The following ARB2A variants were observed in gnomAD, a reference collection of about 807,000 sequenced individuals.
The protein encoded by ARB2A is ARB2 cotranscriptional regulator A, also known as cotranscriptional regulator ARB2A.
chr5:93,815,968 G>T, the ARB2A span, among the ~76,000 whole-genome samples: 1 of 152,110 alleles, frequency 6.6e-6, no homozygotes, highest in Non-Finnish European at 1.5e-5. Flanking sequence ...CTGAACTCTA[G>T]TAATAAGATC....
At chr5:93,792,434 G>C in the ARB2A span, among the ~76,000 whole-genome samples, 2 of 152,028 alleles carry the variant, frequency 1.3e-5, no homozygotes, top group Admixed American at 6.6e-5. Context: ...CTAGGTAATA[G>C]ATTATAACTA....
chr5:94,035,400 C>T, the ARB2A span, among the ~76,000 whole-genome samples: 1 of 151,968 alleles, frequency 6.6e-6, no homozygotes, highest in Non-Finnish European at 1.5e-5. Context: ...TATATTCATA[C>T]CTTTCTCTAA....
the ARB2A span, among the ~76,000 whole-genome samples, chr5:93,797,566 T>C: frequency 2.0e-5 from 3 of 152,132 alleles, no homozygotes; most frequent in Non-Finnish European, 4.4e-5. Flanking sequence ...AAAGAGTCAG[T>C]AGTTCACTAA....
the ARB2A span, among the ~76,000 whole-genome samples, chr5:93,998,103 T>A: frequency 2.0e-5 from 3 of 151,036 alleles, no homozygotes; most frequent in Non-Finnish European, 4.4e-5. Context: ...CCTGTAAAAA[T>A]CAGAAAGGAA....
At chr5:93,974,566 T>C in the ARB2A span, among the ~76,000 whole-genome samples, 2 of 151,894 alleles carry the variant, frequency 1.3e-5, no homozygotes, top group Non-Finnish European at 1.5e-5. Context: ...CAAACAAAAA[T>C]CTGAACTTAA....
chr5:93,760,541 T>C, the ARB2A span, among the ~76,000 whole-genome samples: 1 of 152,166 alleles, frequency 6.6e-6, no homozygotes, highest in South Asian at 2.1e-4. Context: ...GTGGTACTAG[T>C]ATAAAAATAG....
chr5:94,064,603 C>T, the ARB2A span, among the ~76,000 whole-genome samples: 1 of 152,342 alleles, frequency 6.6e-6, no homozygotes, highest in East Asian at 1.9e-4. Context: ...ACAGTAGCCA[C>T]TCACTTAGAA....
chr5:93,668,133 C>T, the ARB2A span, among the ~76,000 whole-genome samples: 18 of 152,210 alleles, frequency 1.2e-4, no homozygotes, highest in South Asian at 2.9e-3. Context: ...TTTGAGATAG[C>T]GTCTCAGTCT....
chr5:93,681,728 G>A, the ARB2A span, among the ~76,000 whole-genome samples: 5 of 152,106 alleles, frequency 3.3e-5, no homozygotes, highest in African/African-American at 7.2e-5. Context: ...CACAAGCCTC[G>A]CATTCCAGAA....
At chr5:93,924,390 C>G in the ARB2A span, among the ~76,000 whole-genome samples, 1 of 152,138 alleles carries the variant, frequency 6.6e-6, no homozygotes, top group African/African-American at 2.4e-5. Context: ...GAAATGTATA[C>G]TGAATGGATA....
chr5:93,969,385 C>T, the ARB2A span, among the ~76,000 whole-genome samples: 1 of 152,010 alleles, frequency 6.6e-6, no homozygotes, highest in South Asian at 2.1e-4. Context: ...TCTACTACAC[C>T]TGGCAATTTT....
chr5:94,076,232 C>G, the ARB2A span, among the ~76,000 whole-genome samples: 1 of 152,162 alleles, frequency 6.6e-6, no homozygotes, highest in African/African-American at 2.4e-5. Context: ...ATTTCTATAA[C>G]TAGCCATCTT....
At chr5:93,937,949 A>C in the ARB2A span, among the ~76,000 whole-genome samples, 1 of 152,210 alleles carries the variant, frequency 6.6e-6, no homozygotes. Context: ...TTCATTTAAA[A>C]AAATTTTTTT....
At chr5:93,634,357 G>A in the ARB2A span, among the ~76,000 whole-genome samples, 1 of 151,450 alleles carries the variant, frequency 6.6e-6, no homozygotes, top group Non-Finnish European at 1.5e-5. Flanking sequence ...CCGAGATCGC[G>A]CCATGGCACT....
At chr5:94,026,275 T>C in the ARB2A span, among the ~76,000 whole-genome samples, 24 of 151,786 alleles carry the variant, frequency 1.6e-4, no homozygotes, top group African/African-American at 5.8e-4. Flanking sequence ...TCGTATGGGG[T>C]GGCTGCCCTC....
chr5:93,784,323 G>A, the ARB2A span: 10 of 1,186,236 alleles, frequency 8.4e-6, no homozygotes, highest in Admixed American at 1.9e-4. Context: ...GGTTGGTGGG[G>A]GCTCAAGATA....
At chr5:93,783,736 A>G in the ARB2A span, among the ~76,000 whole-genome samples, 3 of 152,212 alleles carry the variant, frequency 2.0e-5, no homozygotes, top group African/African-American at 7.2e-5. Flanking sequence ...AACAAAAAAT[A>G]TAACAGGCTG....
At chr5:93,886,830 T>C in the ARB2A span, among the ~76,000 whole-genome samples, 3 of 151,788 alleles carry the variant, frequency 2.0e-5, no homozygotes, top group African/African-American at 7.2e-5. Flanking sequence ...CTACTAATAT[T>C]TTGTAAAATG....
chr5:93,888,204 T>C, the ARB2A span, among the ~76,000 whole-genome samples: 29 of 152,020 alleles, frequency 1.9e-4, no homozygotes, highest in East Asian at 5.0e-3. Flanking sequence ...AAATCTACAA[T>C]AGTACCATTA....
Sources: gnomAD v4.1 joint callset for allele counts (sites outside exome capture counted in the v4.1 genomes callset) on GRCh38, gnomAD v4.1.1 for gene constraint, MANE v1.5 for transcripts, NCBI Gene and HGNC (gene_info 2026-07-23, HGNC 2026-07-21) for gene names.